The following NPC1 variants were observed in gnomAD, a reference collection of about 807,000 sequenced individuals.
The protein encoded by NPC1 is Niemann-Pick C1 protein.
Under a neutral mutation model 140.4 loss-of-function variants are expected in NPC1, and 85 were observed. That is an observed-to-expected ratio of 0.61 (90% confidence interval 0.51 to 0.72). The LOEUF (loss-of-function observed/expected upper bound fraction) is 0.72, where lower values mean the gene tolerates loss of function less well. NPC1 is among the 30% of genes least tolerant of loss of function. The pLI is 0.00. For synonymous variants in NPC1, 656 were observed against 624.8 expected (o/e 1.05, Z -0.74); for missense variants, 1,504 against 1,623.8 (o/e 0.93, Z 1.27).
chr18:23,525,914 G>A (rs1412507237), downstream of NPC1, among the ~76,000 whole-genome samples: 1 of 152,238 alleles, frequency 6.6e-6, no homozygotes, highest in Non-Finnish European at 1.5e-5. Flanking sequence ...TCCACTGTAT[G>A]TAATGCATTG....
intron 10 of NPC1, 137 bp from the exon 11 acceptor site, chr18:23,548,245 G>A: frequency 1.4e-6 from 1 of 692,514 alleles, no homozygotes; most frequent in Non-Finnish European, 2.6e-6. Flanking sequence ...AATTAAACAA[G>A]AGTTTGCTGA....
At chr18:23,532,527 C>A (rs2058546306) in intron 24 of NPC1, among the ~76,000 whole-genome samples, 2 of 152,160 alleles carry the variant, frequency 1.3e-5, no homozygotes. Context: ...TAAGCCCACC[C>A]TTCTGGGCTC....
chr18:23,559,056 C>T (rs569238831), intron 6 of NPC1, among the ~76,000 whole-genome samples: 51 of 152,316 alleles, frequency 3.3e-4, no homozygotes, highest in African/African-American at 1.2e-3. Flanking sequence ...ATGAACTCAT[C>T]ATTTTTTATG....
intron 22 of NPC1, 24 bp downstream of exon 22, chr18:23,535,445 A>C: frequency 6.5e-7 from 1 of 1,537,976 alleles, no homozygotes; most frequent in Non-Finnish European, 9.0e-7. Flanking sequence ...GCTAGGGACA[A>C]ACTGAGACTG....
At chr18:23,540,062 C>G in intron 17 of NPC1, 61 bp from the exon 18 acceptor site, 1 of 1,449,308 alleles carries the variant, frequency 6.9e-7, no homozygotes, top group Non-Finnish European at 9.6e-7. Context: ...CTAAGCAAGG[C>G]GAGGATCATG....
At chr18:23,512,522 G>A (rs1052243860) in intron 3 of NPC1, among the ~76,000 whole-genome samples, 1 of 151,948 alleles carries the variant, frequency 6.6e-6, no homozygotes, top group African/African-American at 2.4e-5. Context: ...CTAGCCTCAC[G>A]TAGTCCTCCC....
At chr18:23,535,991 A>G (rs556462404) in intron 21 of NPC1, among the ~76,000 whole-genome samples, 3 of 151,958 alleles carry the variant, frequency 2.0e-5, no homozygotes, top group East Asian at 3.9e-4. Context: ...ATTCCACAGC[A>G]TTCTGAAAAA....
intron 3 of NPC1, among the ~76,000 whole-genome samples, chr18:23,510,190 G>T (rs2057815651): frequency 6.6e-6 from 1 of 151,742 alleles, no homozygotes; most frequent in South Asian, 2.1e-4. Context: ...CAGGCATGGT[G>T]GTGTGCGCCT....
chr18:23,548,230 C>T lies in NPC1; in HGVS notation c.1655-122G>A, dbSNP rs2058816188. On this transcript the variant is annotated intron_variant, in intron 10 of 24. Transcript: ENST00000269228. ...GAGCTATGGACTGTATCTCTGGGCT[C>T]TAAGAATTAAACAAGAGTTTGCTGA... 9 of 718,496 alleles carry T rather than the reference C, an allele frequency of 1.3e-5. No individual in the cohort carries two copies. The South Asian group carries it at 1.3e-4, about 10-fold the overall frequency. 44.5% of individuals were successfully genotyped at this position (718,496 alleles called of 1,614,324 possible). A position where few individuals can be genotyped will look rare whatever the true frequency, so the allele number is the denominator to read the frequency against.
chr18:23,537,254 TAG>T (rs914874195), intron 20 of NPC1, among the ~76,000 whole-genome samples: 3 of 152,152 alleles, frequency 2.0e-5, no homozygotes, highest in Non-Finnish European at 4.4e-5. Flanking sequence ...ATTTTTTTAG[TAG>T]AGACAGGGTT....
chr18:23,558,266 GA>G (rs371978145), intron 6 of NPC1, among the ~76,000 whole-genome samples: 130 of 152,190 alleles, frequency 8.5e-4, no homozygotes, highest in African/African-American at 2.9e-3. Context: ...ATTACGAAGG[GA>G]AAAGCAGTAA....
intron 1 of NPC1, among the ~76,000 whole-genome samples, chr18:23,577,981 G>A (rs1033184497): frequency 4.6e-5 from 7 of 152,174 alleles, no homozygotes; most frequent in Non-Finnish European, 8.8e-5. Flanking sequence ...CGCAAGTGCC[G>A]CACACAGCCC....
intron 2 of NPC1, among the ~76,000 whole-genome samples, chr18:23,573,236 G>C (rs537814918): frequency 6.6e-6 from 1 of 152,226 alleles, no homozygotes; most frequent in Non-Finnish European, 1.5e-5. Flanking sequence ...AACTTTATGA[G>C]AGGTATAAAG....
chr18:23,573,584 G>A lies in NPC1; in HGVS notation c.58-10C>T. The A allele has an allele frequency of 1.2e-6, 2 of 1,614,048 alleles. No individual in the cohort carries two copies. On this transcript the variant is annotated splice_polypyrimidine_tract_variant and intron_variant, in intron 1 of 24. Transcript: ENST00000269228. ...AGGACTGTGAAAACACCTACAGAAA[G>A]TCAACACAAACTTCAGTGTTACCAG...
chr18:23,530,079 T>C, downstream of NPC1: 1 of 1,614,266 alleles, frequency 6.2e-7, no homozygotes, highest in Non-Finnish European at 8.5e-7. Flanking sequence ...CAACCTCTTT[T>C]ATATGCTGCA....
chr18:23,533,577 AC>A, intron 23 of NPC1, 60 bp from the exon 24 acceptor site: 2 of 1,501,710 alleles, frequency 1.3e-6, no homozygotes, highest in East Asian at 4.5e-5. Context: ...GAACAAAAAC[AC>A]TTCCTTACAA....
rs200801394 is a variant in NPC1 at position 23,509,323 on chromosome 18, T to C, written c.432-2681A>G. ...ATGTTTGTTGGTTAAAGTTCAGTGATAGCATTCTGGCAGCCTTTTGAATTC... is the reference window on the plus strand; with the variant it reads ...ATGTTTGTTGGTTAAAGTTCAGTGACAGCATTCTGGCAGCCTTTTGAATTC... On this transcript the variant is annotated intron_variant, in intron 3 of 3. Coordinates refer to the NPC1 transcript ENST00000591107. The C allele has an allele frequency of 4.1e-6, 4 of 979,024 alleles. No homozygotes were observed. In the East Asian group the frequency reaches 1.2e-4, roughly 29 times the overall value. The allele number at this position is 979,024 out of a possible 1,614,324, so 60.6% of individuals were successfully genotyped here.
downstream of NPC1, chr18:23,530,154 C>T: frequency 6.2e-7 from 1 of 1,613,550 alleles, no homozygotes; most frequent in Non-Finnish European, 8.5e-7. Flanking sequence ...CAGATTTTTA[C>T]TTCCATTGTG....
intron 3 of NPC1, among the ~76,000 whole-genome samples, chr18:23,510,654 A>G (rs1456689252): frequency 6.6e-6 from 1 of 152,226 alleles, no homozygotes; most frequent in South Asian, 2.1e-4. Flanking sequence ...CTCAAAAAAA[A>G]AAAAGTGGGC....
Sources: gnomAD v4.1 joint callset for allele counts (sites outside exome capture counted in the v4.1 genomes callset) on GRCh38, gnomAD v4.1.1 for gene constraint, MANE v1.5 for transcripts, NCBI Gene and HGNC (gene_info 2026-07-23, HGNC 2026-07-21) for gene names.